Variants in MDGA2 observed in about 807,000 individuals in gnomAD.
MDGA2 encodes MAM domain containing glycosylphosphatidylinositol anchor 2.
MDGA2 carries 40 observed loss-of-function variants against 117.8 expected under a neutral mutation model. That is an observed-to-expected ratio of 0.34 (90% CI 0.26 to 0.44). The LOEUF (loss-of-function observed/expected upper bound fraction) is 0.44. MDGA2 is among the 20% of genes least tolerant of loss of function. The pLI is 1.00. For synonymous variants in MDGA2, 452 were observed against 439.0 expected (o/e 1.03, Z -0.37); for missense variants, 1,123 against 1,250.6 (o/e 0.90, Z 1.54).
intron 6 of MDGA2, among the ~76,000 whole-genome samples, chr14:47,074,069 ATAAT>A (rs1372786888): frequency 3.3e-5 from 5 of 151,454 alleles, no homozygotes; most frequent in Non-Finnish European, 4.4e-5. Context: ...GAACATGATC[ATAAT>A]TAAATTAGCA....
At chr14:47,489,819 T>G (rs1894132950) in intron 1 of MDGA2, among the ~76,000 whole-genome samples, 1 of 152,016 alleles carries the variant, frequency 6.6e-6, no homozygotes, top group African/African-American at 2.4e-5. Context: ...ATATCTTCAG[T>G]TCACTTTTTC....
chr14:47,256,783 G>C (rs1257478860), intron 2 of MDGA2, among the ~76,000 whole-genome samples: 1 of 150,646 alleles, frequency 6.6e-6, no homozygotes, highest in Non-Finnish European at 1.5e-5. Flanking sequence ...ATTAAAATTA[G>C]AGCCAGAAAG....
At chr14:47,025,711 A>G (rs1022302812) in intron 8 of MDGA2, among the ~76,000 whole-genome samples, 7 of 35,406 alleles carry the variant, frequency 2.0e-4, no homozygotes, top group Admixed American at 9.0e-4. Flanking sequence ...TCTCCACCAC[A>G]AAAAAAAAAA....
At chr14:47,619,140 CACACACACACAGAT>C (rs199807564) in intron 1 of MDGA2, among the ~76,000 whole-genome samples, 2 of 133,030 alleles carry the variant, frequency 1.5e-5, no homozygotes, top group South Asian at 2.9e-4. Flanking sequence ...CACACACACA[CACACACACACAGAT>C]ACATTATCTA....
At chr14:47,400,758 C>CTTTTCTT (rs1555379637) in intron 1 of MDGA2, among the ~76,000 whole-genome samples, 1 of 66,212 alleles carries the variant, frequency 1.5e-5, no homozygotes, top group African/African-American at 5.4e-5. Context: ...CTTTTCTTTT[C>CTTTTCTT]TTTTTTTTTT....
intron 1 of MDGA2, among the ~76,000 whole-genome samples, chr14:47,643,867 G>T (rs1005625308): frequency 6.6e-6 from 1 of 152,010 alleles, no homozygotes; most frequent in African/African-American, 2.4e-5. Context: ...GAGGGTTACT[G>T]ATTAAATCAG....
intron 6 of MDGA2, among the ~76,000 whole-genome samples, chr14:47,093,624 C>G (rs1879796834): frequency 6.6e-6 from 1 of 152,036 alleles, no homozygotes. Context: ...GGCATTGATG[C>G]TACATTAATA....
At chr14:47,476,608 G>GA (rs891539429) in intron 1 of MDGA2, among the ~76,000 whole-genome samples, 33 of 151,726 alleles carry the variant, frequency 2.2e-4, no homozygotes, top group African/African-American at 6.3e-4. Flanking sequence ...TTTGTGCCTA[G>GA]AAAAAATCTG....
At chr14:47,309,622 G>A (rs1889570433) in intron 1 of MDGA2, among the ~76,000 whole-genome samples, 1 of 151,956 alleles carries the variant, frequency 6.6e-6, no homozygotes, top group Non-Finnish European at 1.5e-5. Context: ...GAAGCTTCTG[G>A]CTTCAGATGG....
At chr14:47,434,291 T>G in intron 1 of MDGA2, among the ~76,000 whole-genome samples, 1 of 152,126 alleles carries the variant, frequency 6.6e-6, no homozygotes, top group East Asian at 1.9e-4. Context: ...ACTTAAAAAC[T>G]ATCCAGTAAT....
At chr14:47,528,512 G>C (rs1207697104) in intron 1 of MDGA2, among the ~76,000 whole-genome samples, 1 of 152,104 alleles carries the variant, frequency 6.6e-6, no homozygotes, top group Non-Finnish European at 1.5e-5. Context: ...AGGAGATCAT[G>C]GTCTCTTCTG....
chr14:47,607,710 A>G (rs1460484803), intron 1 of MDGA2, among the ~76,000 whole-genome samples: 1 of 152,150 alleles, frequency 6.6e-6, no homozygotes, highest in Non-Finnish European at 1.5e-5. Context: ...CATCCAGAGT[A>G]AGTGGTTTTG....
At chr14:47,401,498 A>G (rs1892148799) in intron 1 of MDGA2, among the ~76,000 whole-genome samples, 1 of 152,220 alleles carries the variant, frequency 6.6e-6, no homozygotes, top group African/African-American at 2.4e-5. Flanking sequence ...GAAATGAGGT[A>G]CTCACCAAAA....
intron 10 of MDGA2, among the ~76,000 whole-genome samples, chr14:46,903,005 G>A (rs1883348514): frequency 6.6e-6 from 1 of 152,226 alleles, no homozygotes; most frequent in South Asian, 2.1e-4. Context: ...ATGGGTTGGA[G>A]CCACGGGAAG....
intron 3 of MDGA2, among the ~76,000 whole-genome samples, chr14:47,212,944 C>G (rs1594726758): frequency 6.6e-6 from 1 of 152,232 alleles, no homozygotes; most frequent in East Asian, 1.9e-4. Context: ...CCGGTTGCTT[C>G]TGAAGCTCAA....
intron 5 of MDGA2, among the ~76,000 whole-genome samples, chr14:47,104,181 G>C (rs568134716): frequency 6.6e-6 from 1 of 152,298 alleles, no homozygotes; most frequent in South Asian, 2.1e-4. Context: ...AATATAGTAA[G>C]TGACACTTAT....
At chr14:47,068,713 C>G (rs1890171573) in intron 6 of MDGA2, among the ~76,000 whole-genome samples, 1 of 152,030 alleles carries the variant, frequency 6.6e-6, no homozygotes, top group Non-Finnish European at 1.5e-5. Flanking sequence ...CTAGAAACAG[C>G]TATCAGATGA....
intron 6 of MDGA2, among the ~76,000 whole-genome samples, chr14:47,095,324 A>G (rs1215616015): frequency 6.6e-6 from 1 of 152,062 alleles, no homozygotes; most frequent in Non-Finnish European, 1.5e-5. Flanking sequence ...CATAATTTGG[A>G]ATTATTAATG....
chr14:47,444,875 T>C (rs1893088961), intron 1 of MDGA2, among the ~76,000 whole-genome samples: 1 of 152,164 alleles, frequency 6.6e-6, no homozygotes, highest in Non-Finnish European at 1.5e-5. Context: ...AGGGAGGAGT[T>C]GTACATTGAA....
Sources: allele counts gnomAD v4.1 joint callset (sites outside exome capture counted in the v4.1 genomes callset), GRCh38; gene constraint gnomAD v4.1.1; transcripts MANE v1.5; gene names NCBI Gene and HGNC (gene_info 2026-07-23, HGNC 2026-07-21).